Variants in PCDH17 observed in about 807,000 individuals in gnomAD.
PCDH17 encodes protocadherin-17.
A neutral mutation model predicts 67.7 loss-of-function variants in PCDH17; 21 were observed. The observed-to-expected ratio is 0.31, with a 90% confidence interval of 0.22 to 0.45. PCDH17 has a LOEUF of 0.45. Ranked by LOEUF, PCDH17 falls within the 20% of genes least tolerant of loss-of-function variation. PCDH17 has a pLI of 1.00. For missense variants in PCDH17, 1,471 were observed against 1,564.8 expected (o/e 0.94, Z 1.01); for synonymous variants, 701 against 656.7 (o/e 1.07, Z -1.03).
At position 57,634,345 on chromosome 13, in the gene PCDH17, A is replaced by G. The variant is rs1566214076; in HGVS notation, c.1799A>G (p.Asn600Ser). The G allele has an allele frequency of 1.2e-6, 2 of 1,612,702 alleles. No homozygotes were observed. Residue 600 changes from asparagine (N) to serine (S), a missense_variant, in exon 1 of 4, where the codon AAC becomes AGC. Asn to Ser is a conservative substitution (Grantham distance 46). This residue lies in a region of PCDH17 where 1,163 missense variants were observed against 1,230.0 expected (regional missense o/e 0.95). Transcript: ENST00000377918. This position sits in a 1 kb window ranked among gnomAD's most constrained non-coding sequence, Gnocchi z 7.8. ...NDTAELQVPR[N>S]AGLGYLVSTV... ...ACCGCGGAGCTGCAGGTGCCGCGCA[A>G]CGCTGGCCTGGGCTATCTGGTGAGC...
chr13:57,682,636 G>A (rs1470150128), intron 3 of PCDH17, among the ~76,000 whole-genome samples: 1 of 151,654 alleles, frequency 6.6e-6, no homozygotes, highest in Non-Finnish European at 1.5e-5. Flanking sequence ...TGTTGTTTTT[G>A]CACCAACTTG....
Position 57,634,698 on chromosome 13 carries a change from ATCC to A in PCDH17, c.2157_2159del (p.Leu720del), listed in dbSNP as rs1954794853. ...CGTGACTCTGAGCACTATCTCCATC[ATCC>A]TCCTAGCGGCCATGATCACCATCGC... is the stretch of plus-strand genomic sequence containing the variant. On this transcript the variant is annotated inframe_deletion, in exon 1 of 4. Transcript: ENST00000377918. The surrounding 1 kb of genome is among the most constrained non-coding windows in gnomAD (Gnocchi z 7.8). 6.2e-7 allele frequency: 1 copy of A among 1,613,550 alleles called. No homozygotes were observed. The highest frequency in any genetic ancestry group is 1.3e-5 in the African/African-American group (1 of 74,810).
Position 57,634,046 on chromosome 13 carries a change from C to A in PCDH17, c.1500C>A (p.Asp500Glu). Residue 500 changes from aspartate to glutamate, a missense_variant, in exon 1 of 4, where the codon GAC becomes GAA. Transcript: ENST00000377918. The surrounding 1 kb of genome is among the most constrained non-coding windows in gnomAD (Gnocchi z 7.8). Reference sequence around the variant, plus strand: ...GCTCTGTGCTCGCCCAGGATCCCGACCTGGGCCAGAACGGCACCGTATCCT... The same window carrying A: ...GCTCTGTGCTCGCCCAGGATCCCGAACTGGGCCAGAACGGCACCGTATCCT... Reference protein sequence around the residue: ...YLGSVLAQDPDLGQNGTVSYS... With the variant: ...YLGSVLAQDPELGQNGTVSYS... 6.2e-7 allele frequency: 1 copy of A among 1,613,450 alleles called. No individual in the cohort carries two copies. Among genetic ancestry groups the A allele is most frequent in the African/African-American group, 1.3e-5 (1 of 75,034 alleles).
At chr13:57,680,676 A>G (rs922300046) in intron 3 of PCDH17, among the ~76,000 whole-genome samples, 5 of 151,668 alleles carry the variant, frequency 3.3e-5, no homozygotes, top group African/African-American at 7.3e-5. Flanking sequence ...TCATTCATCA[A>G]GTTTCAAAAG....
At chr13:57,713,810 G>A (rs1251437830) in intron 3 of PCDH17, among the ~76,000 whole-genome samples, 1 of 151,530 alleles carries the variant, frequency 6.6e-6, no homozygotes, top group African/African-American at 2.4e-5. Context: ...ATAAGTACCT[G>A]TTGCAGAATC....
Position 57,633,537 on chromosome 13 carries a change from A to C in PCDH17, c.991A>C (p.Ile331Leu). 1 of 1,613,804 alleles carries C rather than the reference A, an allele frequency of 6.2e-7. No homozygotes were observed. The highest frequency in any genetic ancestry group is 8.5e-7 in the Non-Finnish European group (1 of 1,180,018). The change falls in exon 1 of 4, where the codon ATC (isoleucine) becomes CTC (leucine). Residue 331 changes from isoleucine to leucine, a missense_variant. Ile to Leu is a conservative substitution (Grantham distance 5). Around this residue, in one of 3 missense-constraint regions of PCDH17, gnomAD observed 1,163 missense variants for 1,230.0 expected, o/e 0.95. Transcript: ENST00000377918. This position sits in a 1 kb window ranked among gnomAD's most constrained non-coding sequence, Gnocchi z 6.2. ...VQARDLGPNP[I>L]PAHCKVTVKL... ...GGCCCGAGACCTGGGGCCTAACCCT[A>C]TCCCAGCCCACTGCAAAGTCACGGT...
Position 57,634,351 on chromosome 13 carries a change from G to C in PCDH17, c.1805G>C (p.Gly602Ala), listed in dbSNP as rs774732108. ...GAGCTGCAGGTGCCGCGCAACGCTG[G>C]CCTGGGCTATCTGGTGAGCACTGTG... ...TAELQVPRNA[G>A]LGYLVSTVRA... is the part of the protein sequence containing the mutation. Residue 602 changes from glycine to alanine, a missense_variant, in exon 1 of 4, where the codon GGC becomes GCC. Around this residue, in one of 3 missense-constraint regions of PCDH17, gnomAD observed 1,163 missense variants for 1,230.0 expected, o/e 0.95. Coordinates refer to ENST00000377918, the MANE Select transcript of PCDH17 (RefSeq NM_001040429.3). The surrounding 1 kb of genome is among the most constrained non-coding windows in gnomAD (Gnocchi z 7.8). The C allele has an allele frequency of 1.2e-6, 2 of 1,612,592 alleles. No homozygotes were observed. Among genetic ancestry groups the C allele is most frequent in the Non-Finnish European group, 1.7e-6 (2 of 1,179,968 alleles).
intron 3 of PCDH17, among the ~76,000 whole-genome samples, chr13:57,712,833 AT>A (rs1415366322): frequency 6.6e-6 from 1 of 151,522 alleles, no homozygotes; most frequent in Non-Finnish European, 1.5e-5. Context: ...ATATATTTCT[AT>A]TTATTTTCTT....
At chr13:57,713,822 T>C (rs1057282909) in intron 3 of PCDH17, among the ~76,000 whole-genome samples, 6 of 151,602 alleles carry the variant, frequency 4.0e-5, no homozygotes, top group Non-Finnish European at 8.9e-5. Context: ...TGCAGAATCA[T>C]TTATGGAGTA....
chr13:57,699,892 A>G (rs890073461), intron 3 of PCDH17, among the ~76,000 whole-genome samples: 5 of 152,124 alleles, frequency 3.3e-5, no homozygotes, highest in African/African-American at 4.8e-5. Flanking sequence ...TATTTGTTTT[A>G]CTTTTTAAAA....
chr13:57,689,145 T>G (rs1250769855), intron 3 of PCDH17, among the ~76,000 whole-genome samples: 1 of 152,066 alleles, frequency 6.6e-6, no homozygotes, highest in East Asian at 1.9e-4. Flanking sequence ...AACAGCAAGA[T>G]TCATTCAACA....
intron 3 of PCDH17, among the ~76,000 whole-genome samples, chr13:57,708,857 T>C (rs1955746776): frequency 6.6e-6 from 1 of 151,904 alleles, no homozygotes; most frequent in Non-Finnish European, 1.5e-5. Flanking sequence ...CAGGCAGCAA[T>C]TGATTTCTCA....
chr13:57,667,751 G>A (rs900821572), intron 3 of PCDH17, among the ~76,000 whole-genome samples: 1 of 116,544 alleles, frequency 8.6e-6, no homozygotes, highest in African/African-American at 3.5e-5. Context: ...ATTTTTGCCT[G>A]TAGGGCAGCC....
Position 57,632,233 on chromosome 13 carries a change from T to A in PCDH17, c.-314T>A. On this transcript the variant is annotated 5_prime_UTR_variant, in exon 1 of 4. Coordinates refer to ENST00000377918, the MANE Select transcript of PCDH17 (RefSeq NM_001040429.3). ...TCGCTCAAGTTTGAGCCTCCCGAAG[T>A]CCGGGCGGGAGAGACGAAACCCCTG... 2.4e-6 allele frequency: 1 copy of A among 419,692 alleles called. No individual in the cohort carries two copies. Among genetic ancestry groups the A allele is most frequent in the Non-Finnish European group, 4.3e-6 (1 of 233,380 alleles). 26.0% of individuals were successfully genotyped at this position (419,692 alleles called of 1,614,324 possible).
At chr13:57,672,364 C>T (rs1955333144) in intron 3 of PCDH17, among the ~76,000 whole-genome samples, 1 of 151,928 alleles carries the variant, frequency 6.6e-6, no homozygotes, top group East Asian at 1.9e-4. Flanking sequence ...TATGTAATTT[C>T]GCAGTTGCCT....
rs574959197 is a variant in PCDH17, at chr13:57,632,215, A to C, written c.-332A>C. ...TTCTTATCGCCTGCCTCATCGCTCA[A>C]GTTTGAGCCTCCCGAAGTCCGGGCG... is the stretch of plus-strand genomic sequence containing the variant. On this transcript the variant is annotated 5_prime_UTR_variant, in exon 1 of 4. Coordinates refer to ENST00000377918, the MANE Select transcript of PCDH17 (RefSeq NM_001040429.3). 1 of 391,004 alleles carries C rather than the reference A, an allele frequency of 2.6e-6. No homozygotes were observed. Among genetic ancestry groups the C allele is most frequent in the African/African-American group, 2.1e-5 (1 of 48,206 alleles). The allele number at this position is 391,004 out of a possible 1,614,324, so 24.2% of individuals were successfully genotyped here. A position where few individuals can be genotyped will look rare whatever the true frequency, so the allele number is the denominator to read the frequency against.
At chr13:57,679,774 T>G (rs1042775015) in intron 3 of PCDH17, among the ~76,000 whole-genome samples, 5 of 151,526 alleles carry the variant, frequency 3.3e-5, no homozygotes, top group African/African-American at 1.2e-4. Flanking sequence ...TTTGTAGTAT[T>G]TAATGGGAGA....
chr13:57,679,027 A>T (rs534301140), intron 3 of PCDH17, among the ~76,000 whole-genome samples: 1 of 151,550 alleles, frequency 6.6e-6, no homozygotes, highest in Non-Finnish European at 1.5e-5. Context: ...AACATTGTGT[A>T]GTGAAATATC....
rs1393128206 is a variant in PCDH17, at chr13:57,726,541, T to A, written c.*1247T>A. On this transcript the variant is annotated 3_prime_UTR_variant, in exon 4 of 4. Transcript: ENST00000377918. ...AAGCAGTGCCTCAGAGCAAAGTCTC[T>A]TGTTTAATGTATAGTCTACCAAGTA... 1 of 152,650 alleles carries A rather than the reference T, an allele frequency of 6.6e-6. No homozygotes were observed. Among genetic ancestry groups the A allele is most frequent in the Non-Finnish European group, 1.5e-5 (1 of 68,030 alleles). The allele number at this position is 152,650 out of a possible 1,614,324, so 9.5% of individuals were successfully genotyped here. A position where few individuals can be genotyped will look rare whatever the true frequency, so the allele number is the denominator to read the frequency against.
Sources: allele counts gnomAD v4.1 joint callset (sites outside exome capture counted in the v4.1 genomes callset), GRCh38; gene constraint gnomAD v4.1.1; regional missense constraint gnomAD v4.1.1; non-coding constraint Gnocchi (gnomAD v3.1); transcripts MANE v1.5; gene names NCBI Gene and HGNC (gene_info 2026-07-23, HGNC 2026-07-21).